The following NBPF3 variants were observed in gnomAD, a reference collection of about 807,000 sequenced individuals.
The protein encoded by NBPF3 is NBPF member 3, also known as NBPF family member NBPF3.
A neutral mutation model predicts 78.1 loss-of-function variants in NBPF3; 57 were observed. The ratio of observed to expected loss-of-function variants is 0.73; its 90% confidence interval spans 0.59 to 0.91. The LOEUF (loss-of-function observed/expected upper bound fraction) is 0.91, where lower values mean the gene tolerates loss of function less well. NBPF3 is among the 40% of genes least tolerant of loss of function. The pLI is 0.00. For synonymous variants in NBPF3, 182 were observed against 271.7 expected, an observed-to-expected ratio of 0.67 and a Z score of 3.25; for missense variants, 510 against 715.3, an observed-to-expected ratio of 0.71 and a Z score of 3.27.
intron 2 of NBPF3, among the ~76,000 whole-genome samples, chr1:21,452,262 A>G (rs1301326106): frequency 6.6e-6 from 1 of 152,214 alleles, no homozygotes; most frequent in African/African-American, 2.4e-5. Flanking sequence ...TGGCCATGAA[A>G]CAGATGGTCA....
intron 2 of NBPF3, among the ~76,000 whole-genome samples, chr1:21,445,674 C>G (rs4654746): frequency 0.53 from 81,007 of 151,902 alleles, 22,019 homozygotes; most frequent in Middle Eastern, 0.63. Flanking sequence ...AGATGTGTCT[C>G]GTTTTAGGCA....
intron 3 of NBPF3, 47 bp downstream of exon 3, chr1:21,468,944 G>A (rs765459889): frequency 7.8e-6 from 11 of 1,404,738 alleles, no homozygotes; most frequent in Non-Finnish European, 1.1e-5. Context: ...ATGATGTCCT[G>A]TCTTCTCGCT....
intron 2 of NBPF3, chr1:21,449,870 T>C: frequency 1.5e-6 from 1 of 666,364 alleles, no homozygotes; most frequent in Non-Finnish European, 1.9e-6. Context: ...TGGCAAGGGC[T>C]CTGAAACAGC....
At chr1:21,470,829 A>G in intron 4 of NBPF3, 95 bp downstream of exon 4, 1 of 744,338 alleles carries the variant, frequency 1.3e-6, no homozygotes, top group South Asian at 1.5e-5. Context: ...GAACTGGGCC[A>G]GGGGAAGGGC....
At position 21,468,332 on chromosome 1, in the gene NBPF3, C is replaced by A. The variant is rs113781110; in HGVS notation, c.134-356C>A. On this transcript the variant is annotated intron_variant, in intron 2 of 14. Coordinates refer to ENST00000318249, the MANE Select transcript of NBPF3 (RefSeq NM_032264.6). ...AATGATCCCCATTGGTGGTGACCCT[C>A]AGGTGAGACGAGGGTGCCTGTGTTT... is the stretch of plus-strand genomic sequence containing the variant. 2.7e-3 allele frequency: 2,949 copies of A among 1,105,550 alleles called. 6 individuals are homozygous for A. Among genetic ancestry groups the A allele is most frequent in the Non-Finnish European group, 3.1e-3 (2,707 of 871,160 alleles). 68.5% of individuals were successfully genotyped at this position (1,105,550 alleles called of 1,614,324 possible). A position where few individuals can be genotyped will look rare whatever the true frequency, so the allele number is the denominator to read the frequency against.
At position 21,468,850 on chromosome 1, in the gene NBPF3, T is replaced by G; in HGVS notation, c.296T>G (p.Leu99Arg). ...TTCAGAAACCTCAAACAGAAATGTCTTGTAACTCAAGTGGCCTACTTCCTG... is the reference window on the plus strand; with the variant it reads ...TTCAGAAACCTCAAACAGAAATGTCGTGTAACTCAAGTGGCCTACTTCCTG... ...QQFRNLKQKC[L>R]VTQVAYFLAN... The change falls in exon 3 of 15, where the codon CTT (leucine) becomes CGT (arginine). Residue 99 changes from leucine to arginine, a missense_variant. By Grantham distance (102) the Leu-to-Arg change is moderately radical (BLOSUM62 -2). Transcript: ENST00000318249. 6.2e-7 allele frequency: 1 copy of G among 1,614,174 alleles called. No homozygotes were observed. Among genetic ancestry groups the G allele is most frequent in the Non-Finnish European group, 8.5e-7 (1 of 1,180,036 alleles).
Position 21,471,422 on chromosome 1 carries a change from TG to T in NBPF3, c.447-144del, listed in dbSNP as rs368653229. On this transcript the variant is annotated intron_variant, in intron 4 of 14. Transcript: ENST00000318249. ...GTGAACCATTTTTTATTCTTTCTCT[TG>T]GGCACAGACATTTCTTTAAACATGT... 1.1e-5 allele frequency: 15 copies of T among 1,341,946 alleles called. 1 individual carries two copies. In the African/African-American group the frequency reaches 1.7e-4, roughly 15 times the overall value. The allele number at this position is 1,341,946 out of a possible 1,614,324, so 83.1% of individuals were successfully genotyped here.
chr1:21,475,007 A>G, intron 8 of NBPF3, 56 bp downstream of exon 8: 14 of 1,492,010 alleles, frequency 9.4e-6, no homozygotes, highest in Non-Finnish European at 1.1e-5. Flanking sequence ...GAGTTTGTAG[A>G]TTTAGAGAAA....
At chr1:21,478,829 A>G (rs534385451) in intron 9 of NBPF3, among the ~76,000 whole-genome samples, 22 of 152,196 alleles carry the variant, frequency 1.4e-4, no homozygotes, top group African/African-American at 5.1e-4. Context: ...TCATCTGTCC[A>G]TCATCTTGCT....
intron 2 of NBPF3, among the ~76,000 whole-genome samples, chr1:21,445,765 C>G (rs903913288): frequency 6.6e-6 from 1 of 152,150 alleles, no homozygotes; most frequent in Non-Finnish European, 1.5e-5. Flanking sequence ...CTTTTGAAGG[C>G]CTTTCCCACC....
At chr1:21,467,957 A>C (rs1034315992) in intron 2 of NBPF3, among the ~76,000 whole-genome samples, 2 of 152,264 alleles carry the variant, frequency 1.3e-5, no homozygotes, top group African/African-American at 2.4e-5. Context: ...GGAATCAGCA[A>C]GAAGAATACT....
At chr1:21,444,402 C>T (rs747511562) in intron 1 of NBPF3, among the ~76,000 whole-genome samples, 1 of 152,168 alleles carries the variant, frequency 6.6e-6, no homozygotes, top group Non-Finnish European at 1.5e-5. Context: ...ACCAGCTAGA[C>T]CAGTAGATGA....
At chr1:21,478,537 GGACT>G (rs1173808619) in intron 9 of NBPF3, among the ~76,000 whole-genome samples, 3 of 152,212 alleles carry the variant, frequency 2.0e-5, no homozygotes. Flanking sequence ...GTGCCACCCT[GGACT>G]GACTGTCAGG....
intron 7 of NBPF3, 63 bp from the exon 8 acceptor site, chr1:21,474,837 G>A (rs1642804371): frequency 1.4e-6 from 2 of 1,432,754 alleles, no homozygotes; most frequent in Admixed American, 1.7e-5. Context: ...ACTGGACACT[G>A]ATTTGGTCAT....
intron 9 of NBPF3, among the ~76,000 whole-genome samples, chr1:21,478,554 A>G (rs892219550): frequency 8.5e-5 from 13 of 152,260 alleles, no homozygotes; most frequent in African/African-American, 2.9e-4. Flanking sequence ...CTGTCAGGAC[A>G]CTGAACACAA....
intron 2 of NBPF3, among the ~76,000 whole-genome samples, chr1:21,465,004 CAAAAAAAAA>C (rs10531760): frequency 3.0e-5 from 3 of 99,272 alleles, no homozygotes; most frequent in African/African-American, 4.2e-5. Flanking sequence ...GACCCTGTCT[CAAAAAAAAA>C]AAAAAAAAAA....
intron 2 of NBPF3, among the ~76,000 whole-genome samples, chr1:21,450,633 C>G (rs1641256329): frequency 6.6e-6 from 1 of 152,170 alleles, no homozygotes; most frequent in South Asian, 2.1e-4. Flanking sequence ...TCACCGTCTC[C>G]CCTAAGGTTC....
chr1:21,471,853 C>A, intron 5 of NBPF3, 70 bp downstream of exon 5: 1 of 1,573,206 alleles, frequency 6.4e-7, no homozygotes, highest in Non-Finnish European at 8.7e-7. Flanking sequence ...TCCATACTTT[C>A]ACAATGACAT....
At chr1:21,463,702 T>C (rs1220313088) in intron 2 of NBPF3, among the ~76,000 whole-genome samples, 1 of 152,214 alleles carries the variant, frequency 6.6e-6, no homozygotes, top group African/African-American at 2.4e-5. Flanking sequence ...TTCCAAATTA[T>C]ATGTTTGACA....
Sources: allele counts gnomAD v4.1 joint callset (sites outside exome capture counted in the v4.1 genomes callset), GRCh38; gene constraint gnomAD v4.1.1; transcripts MANE v1.5; gene names NCBI Gene and HGNC (gene_info 2026-07-23, HGNC 2026-07-21).